Variants in RS1 observed in about 807,000 individuals in gnomAD.
RS1 encodes retinoschisin 1.
A neutral mutation model predicts 20.8 loss-of-function variants in RS1; 2 were observed. The ratio of observed to expected loss-of-function variants is 0.10; its 90% CI spans 0.04 to 0.30. The LOEUF (loss-of-function observed/expected upper bound fraction) is 0.30, where lower values mean the gene tolerates loss of function less well. RS1 is among the 10% of genes least tolerant of loss of function. The pLI, the probability that RS1 is intolerant of heterozygous loss-of-function variation, is 1.00. For synonymous variants in RS1, 70 were observed against 75.8 expected, an observed-to-expected ratio of 0.92 and a Z score of 0.40; for missense variants, 151 against 189.8, an observed-to-expected ratio of 0.80 and a Z score of 1.20.
At chrX:18,651,990 G>T (rs181038435) in intron 3 of RS1, among the ~76,000 whole-genome samples, 2 of 108,873 alleles carry the variant, frequency 1.8e-5, no homozygotes, top group African/African-American at 6.7e-5. Context: ...ATCTCTGCCC[G>T]CCCTGAGCTG....
chrX:18,650,138 C>T, intron 3 of RS1: 1 of 403,398 alleles, frequency 2.5e-6, no homozygotes, highest in Non-Finnish European at 4.4e-6. Context: ...TCCCAAATAG[C>T]TCATCTAACA....
At chrX:18,646,309 A>G (rs1037379081) in intron 4 of RS1, among the ~76,000 whole-genome samples, 1 of 111,414 alleles carries the variant, frequency 9.0e-6, no homozygotes, top group Non-Finnish European at 1.9e-5. Context: ...ACCTGCCACC[A>G]TGCCCGGCTA....
intron 4 of RS1, among the ~76,000 whole-genome samples, chrX:18,645,566 T>A (rs930074467): frequency 9.1e-6 from 1 of 109,478 alleles, no homozygotes; most frequent in Non-Finnish European, 1.9e-5. Flanking sequence ...ATCTATTGGC[T>A]CCATCTCCAA....
chrX:18,657,775 A>G, intron 1 of RS1, 110 bp from the exon 2 acceptor site: 1 of 631,406 alleles, frequency 1.6e-6, no homozygotes, highest in Admixed American at 2.3e-5. Flanking sequence ...AAAGCTACCA[A>G]CACCCCTTCT....
chrX:18,664,807 T>C (rs1928377097), intron 1 of RS1, among the ~76,000 whole-genome samples: 1 of 111,069 alleles, frequency 9.0e-6, no homozygotes, highest in South Asian at 3.9e-4. Flanking sequence ...CTCGACCTCC[T>C]GGGCTCAAGC....
intron 4 of RS1, 22 bp from the exon 5 acceptor site, chrX:18,644,647 A>C (rs1465119457): frequency 4.2e-6 from 5 of 1,198,440 alleles, no homozygotes; most frequent in Non-Finnish European, 5.7e-6. Flanking sequence ...ATACCGAGTC[A>C]CCGAGAGACT....
rs1386323490 is a variant in RS1 at position 18,644,507 on chromosome X, T to C, written c.445A>G (p.Thr149Ala). Residue 149 changes from threonine to alanine, a missense_variant, in exon 5 of 6, where the codon ACC (threonine) becomes GCC (alanine). Coordinates refer to ENST00000379984, the MANE Select transcript of RS1 (RefSeq NM_000330.4). ...QGRCDIDEWM[T>A]KYSVQYRTDE... ...GTCCTGTACTGCACGCTGTACTTGG[T>C]CATCCACTCATCGATGTCACAGCGC... The C allele has an allele frequency of 8.3e-7, 1 of 1,209,268 alleles. No individual in the cohort carries two copies. Among genetic ancestry groups the C allele is most frequent in the Admixed American group, 2.2e-5 (1 of 45,792 alleles).
intron 3 of RS1, chrX:18,650,004 A>G (rs976419988): frequency 4.2e-6 from 1 of 240,370 alleles, no homozygotes; most frequent in African/African-American, 2.9e-5. Flanking sequence ...GCTCAGGGCT[A>G]CTAGCTCTGA....
At position 18,645,946 on chromosome X, in the gene RS1, T is replaced by G. The variant is rs1287932626; in HGVS notation, c.326+1245A>C. 3 of 1,205,740 alleles carry G rather than the reference T, an allele frequency of 2.5e-6. No individual in the cohort carries two copies. In the East Asian group the frequency reaches 8.9e-5, roughly 36 times the overall value. ...GCAGAAGTGGCCAATAGAATATGTT[T>G]GTGTTCTTAAAGGCAAGTCATGCGC... is the stretch of plus-strand genomic sequence containing the variant. On this transcript the variant is annotated intron_variant, in intron 4 of 5. Coordinates refer to ENST00000379984, the MANE Select transcript of RS1 (RefSeq NM_000330.4).
At chrX:18,651,583 G>A (rs756758679) in intron 3 of RS1, among the ~76,000 whole-genome samples, 1 of 110,906 alleles carries the variant, frequency 9.0e-6, no homozygotes, top group African/African-American at 3.3e-5. Context: ...CAGAGGGAGA[G>A]GAGCCACCCA....
chrX:18,653,351 G>T, intron 3 of RS1: 1 of 1,175,346 alleles, frequency 8.5e-7, no homozygotes, highest in Non-Finnish European at 1.1e-6. Flanking sequence ...GCTCCGTGGG[G>T]GGCCCGGGCA....
At chrX:18,662,171 A>C in intron 1 of RS1, among the ~76,000 whole-genome samples, 2 of 112,407 alleles carry the variant, frequency 1.8e-5, no homozygotes, top group Middle Eastern at 9.2e-3. Flanking sequence ...AGCCTCCAGT[A>C]TTGTACGAAA....
chrX:18,655,083 C>A (rs1400387424), intron 3 of RS1, among the ~76,000 whole-genome samples: 1 of 112,045 alleles, frequency 8.9e-6, no homozygotes, highest in Admixed American at 9.5e-5. Flanking sequence ...GCAGCGACTG[C>A]CCAAGCCTCT....
intron 3 of RS1, among the ~76,000 whole-genome samples, chrX:18,653,916 C>T (rs1378545310): frequency 9.2e-6 from 1 of 108,387 alleles, no homozygotes; most frequent in Admixed American, 1.0e-4. Context: ...TGCAGTGAGC[C>T]GAGATCACGC....
At chrX:18,654,639 G>A (rs765481269) in intron 3 of RS1, among the ~76,000 whole-genome samples, 7 of 111,432 alleles carry the variant, frequency 6.3e-5, no homozygotes, top group Admixed American at 9.6e-5. Context: ...ATGAGGGTGC[G>A]TCAGTATTGA....
chrX:18,669,487 CAA>C (rs386416704), intron 1 of RS1, among the ~76,000 whole-genome samples: 3 of 58,900 alleles, frequency 5.1e-5, no homozygotes, highest in Admixed American at 2.5e-4. Flanking sequence ...GTGAAATTCT[CAA>C]AAAAAAAAAA....
intron 3 of RS1, among the ~76,000 whole-genome samples, chrX:18,648,994 G>C (rs1927912836): frequency 9.7e-6 from 1 of 103,126 alleles, no homozygotes; most frequent in Non-Finnish European, 2.0e-5. Context: ...GCTGCAGTGA[G>C]CCATGATCAC....
chrX:18,670,383 A>G (rs1928474227), intron 1 of RS1, among the ~76,000 whole-genome samples: 1 of 109,975 alleles, frequency 9.1e-6, no homozygotes, highest in Admixed American at 9.8e-5. Flanking sequence ...ACCTGCCATC[A>G]TGCCCAGATA....
intron 1 of RS1, 112 bp downstream of exon 1, chrX:18,671,905 G>T: frequency 1.5e-6 from 1 of 681,643 alleles, no homozygotes; most frequent in Non-Finnish European, 2.3e-6. Context: ...TAATTAACGT[G>T]TTGCTAATTA....
Sources: gnomAD v4.1 joint callset for allele counts (sites outside exome capture counted in the v4.1 genomes callset) on GRCh38, gnomAD v4.1.1 for gene constraint, MANE v1.5 for transcripts, NCBI Gene and HGNC (gene_info 2026-07-23, HGNC 2026-07-21) for gene names.